KCNIP4: variants seen among roughly 807,000 people sequenced by gnomAD.
KCNIP4 encodes Kv channel-interacting protein 4.
KCNIP4 carries 12 observed loss-of-function variants against 34.0 expected under a neutral mutation model. The ratio of observed to expected loss-of-function variants is 0.35; its 90% CI spans 0.23 to 0.57. The LOEUF is 0.57. KCNIP4 is among the 20% of genes least tolerant of loss of function. The pLI is 0.83. For synonymous variants in KCNIP4, 124 were observed against 102.2 expected (o/e 1.21, Z -1.29); for missense variants, 238 against 311.7 (o/e 0.76, Z 1.78).
intron 3 of KCNIP4, among the ~76,000 whole-genome samples, chr4:20,838,109 G>C (rs1719292441): frequency 6.6e-6 from 1 of 152,150 alleles, no homozygotes; most frequent in Admixed American, 6.6e-5. Context: ...GTGCTGTGAA[G>C]ACTAGGTTCT....
intron 1 of KCNIP4, among the ~76,000 whole-genome samples, chr4:21,713,874 C>T (rs1271242291): frequency 2.0e-5 from 3 of 152,110 alleles, no homozygotes; most frequent in Non-Finnish European, 4.4e-5. Context: ...ACAGCACAAG[C>T]TCATGTACAA....
intron 3 of KCNIP4, among the ~76,000 whole-genome samples, chr4:20,800,961 A>G (rs887725372): frequency 1.3e-5 from 2 of 152,202 alleles, no homozygotes; most frequent in Non-Finnish European, 2.9e-5. Context: ...TATAACCCAA[A>G]GAGGTTCTCT....
At chr4:21,566,787 G>A (rs1290851662) in intron 1 of KCNIP4, among the ~76,000 whole-genome samples, 3 of 152,116 alleles carry the variant, frequency 2.0e-5, no homozygotes, top group Admixed American at 6.5e-5. Context: ...CTCCTGATGA[G>A]AGGTCAAAGG....
intron 1 of KCNIP4, among the ~76,000 whole-genome samples, chr4:21,342,691 A>G (rs1278418813): frequency 6.6e-6 from 1 of 152,144 alleles, no homozygotes; most frequent in East Asian, 1.9e-4. Flanking sequence ...TTCTCTACTA[A>G]TTTCATATAT....
At chr4:21,122,051 G>A (rs1166275564) in intron 1 of KCNIP4, among the ~76,000 whole-genome samples, 1 of 152,140 alleles carries the variant, frequency 6.6e-6, no homozygotes, top group East Asian at 1.9e-4. Flanking sequence ...TGGGGACAAA[G>A]TATTAACTCT....
intron 1 of KCNIP4, among the ~76,000 whole-genome samples, chr4:21,429,017 A>T (rs1005719063): frequency 1.3e-5 from 2 of 152,172 alleles, no homozygotes; most frequent in African/African-American, 4.8e-5. Context: ...ATTAGGGTTC[A>T]TGCTTGATAC....
In KCNIP4 at chr4:21,002,568, C is replaced by T. The variant is rs150243374; in HGVS notation, c.62-119859G>A. 4.7e-4 allele frequency among the ~76,000 whole-genome samples: 71 copies of T among 152,196 alleles called. No homozygotes were observed. In the East Asian group the frequency reaches 0.011, roughly 24 times the overall value. ...AGAACTCTTCCTGGCCAATTCAGAACGGGGTTGTCTGCAGCAATGCTGTTC... is the reference window on the plus strand; with the variant it reads ...AGAACTCTTCCTGGCCAATTCAGAATGGGGTTGTCTGCAGCAATGCTGTTC... On this transcript the variant is annotated intron_variant, in intron 1 of 8. Transcript: ENST00000382152.
At chr4:20,967,474 C>T (rs373262848) in intron 1 of KCNIP4, among the ~76,000 whole-genome samples, 39 of 152,266 alleles carry the variant, frequency 2.6e-4, no homozygotes, top group African/African-American at 8.9e-4. Flanking sequence ...ACAGCCAAGA[C>T]GATCCTAAGC....
chr4:21,337,766 T>C (rs1185223589), intron 1 of KCNIP4, among the ~76,000 whole-genome samples: 1 of 152,176 alleles, frequency 6.6e-6, no homozygotes, highest in Non-Finnish European at 1.5e-5. Flanking sequence ...AACATGGACC[T>C]CACAGGCAAA....
chr4:20,864,287 T>C (rs528583747), intron 2 of KCNIP4, among the ~76,000 whole-genome samples: 24 of 151,630 alleles, frequency 1.6e-4, no homozygotes, highest in Admixed American at 4.6e-4. Flanking sequence ...TGTATGCATA[T>C]ATGTACACAT....
chr4:20,759,145 G>A (rs1754734800), intron 3 of KCNIP4, among the ~76,000 whole-genome samples: 1 of 152,162 alleles, frequency 6.6e-6, no homozygotes, highest in South Asian at 2.1e-4. Context: ...GAAACACAGT[G>A]CTGCTTTTAA....
Position 20,734,702 on chromosome 4 carries a change from C to G in KCNIP4, c.463G>C (p.Gly155Arg). 1 of 1,593,322 alleles carries G rather than the reference C, an allele frequency of 6.3e-7. No homozygotes were observed. The highest frequency in any genetic ancestry group is 8.5e-7 in the Non-Finnish European group (1 of 1,170,638). Residue 155 changes from glycine to arginine, a missense_variant, in exon 6 of 9, where the codon GGG (glycine) becomes CGG (arginine). Coordinates refer to ENST00000382152, the MANE Select transcript of KCNIP4 (RefSeq NM_025221.6). The part of the protein sequence containing the change: ...FIKGLSILLR[G>R]TVQEKLNWAF... The stretch of plus-strand genomic sequence containing the variant: ...CAATTGAGTTTTTCTTGTACTGTCC[C>G]CCGGAGCAAAATGGAAAGACCTTTG...
At chr4:21,525,213 C>T (rs1735872130) in intron 1 of KCNIP4, among the ~76,000 whole-genome samples, 1 of 152,108 alleles carries the variant, frequency 6.6e-6, no homozygotes, top group African/African-American at 2.4e-5. Flanking sequence ...TGGAAAAACA[C>T]TTAGATCATT....
chr4:21,759,361 T>C lies in KCNIP4; in HGVS notation c.61+189210A>G, dbSNP rs1009838641. Among the ~76,000 whole-genome samples the C allele has an allele frequency of 5.3e-5, 8 of 152,168 alleles. No homozygotes were observed. In the South Asian group the frequency reaches 1.0e-3, roughly 20 times the overall value. On this transcript the variant is annotated intron_variant, in intron 1 of 8. Transcript: ENST00000382152. The stretch of plus-strand genomic sequence containing the variant: ...CACCACATGCCTCTTCAATCAACAT[T>C]GGCTGCATTTCATGTGTCCTTAACA...
At chr4:21,867,835 A>G (rs1183087028) in intron 1 of KCNIP4, among the ~76,000 whole-genome samples, 1 of 152,238 alleles carries the variant, frequency 6.6e-6, no homozygotes, top group African/African-American at 2.4e-5. Context: ...TTTTCATCAC[A>G]GTGAGCCAAT....
Position 21,372,390 on chromosome 4 carries a change from A to ATAGATAGATAGATAGATAGT in KCNIP4, c.62-489682_62-489681insACTATCTATCTATCTATCTA, listed in dbSNP as rs1331606557. Reference sequence around the variant, plus strand: ...GATAGATAGATAGATAGATAGATAGATAGTTAGATAGACAGACAGACAGAT... The same window carrying ATAGATAGATAGATAGATAGT: ...GATAGATAGATAGATAGATAGATAGATAGATAGATAGATAGATAGTTAGTTAGATAGACAGACAGACAGAT... On this transcript the variant is annotated intron_variant, in intron 1 of 8. Coordinates refer to ENST00000382152, the MANE Select transcript of KCNIP4 (RefSeq NM_025221.6). Among the ~76,000 whole-genome samples the ATAGATAGATAGATAGATAGT allele has an allele frequency of 4.8e-5, 7 of 146,910 alleles. 1 individual carries two copies. Among genetic ancestry groups the ATAGATAGATAGATAGATAGT allele is most frequent in the African/African-American group, 1.9e-4 (7 of 36,680 alleles).
chr4:21,137,871 C>CTTTTTTTTTTTTTTTTTTTTT (rs144440285), intron 1 of KCNIP4, among the ~76,000 whole-genome samples: 8 of 118,148 alleles, frequency 6.8e-5, no homozygotes, highest in African/African-American at 1.1e-4. Flanking sequence ...CTTACACAGG[C>CTTTTTTTTTTTTTTTTTTTTT]TTTTTTGTTT....
At chr4:21,188,485 C>T (rs114816678) in intron 1 of KCNIP4, among the ~76,000 whole-genome samples, 1 of 152,030 alleles carries the variant, frequency 6.6e-6, no homozygotes, top group Admixed American at 6.6e-5. Flanking sequence ...ATATATTTAA[C>T]ATTTCTCATG....
intron 1 of KCNIP4, among the ~76,000 whole-genome samples, chr4:21,506,371 A>G (rs1733847422): frequency 6.6e-6 from 1 of 152,208 alleles, no homozygotes; most frequent in Admixed American, 6.5e-5. Flanking sequence ...GACTAGAATA[A>G]CAGTACTTGT....
Sources: gnomAD v4.1 joint callset for allele counts (sites outside exome capture counted in the v4.1 genomes callset) on GRCh38, gnomAD v4.1.1 for gene constraint, MANE v1.5 for transcripts, NCBI Gene and HGNC (gene_info 2026-07-23, HGNC 2026-07-21) for gene names.